Variants in RNF170 observed in about 807,000 individuals in gnomAD.
RNF170 encodes the protein E3 ubiquitin-protein ligase RNF170.
Under a neutral mutation model 32.7 loss-of-function variants are expected in RNF170, and 12 were observed. The observed-to-expected ratio is 0.37, with a 90% CI of 0.24 to 0.60. The LOEUF (loss-of-function observed/expected upper bound fraction) is 0.60. Among genes scored for constraint, RNF170 ranks in the 20% least tolerant of loss-of-function variants. The pLI is 0.72. For synonymous variants in RNF170, 91 were observed against 103.6 expected, an observed-to-expected ratio of 0.88 and a Z score of 0.74; for missense variants, 212 against 311.2, an observed-to-expected ratio of 0.68 and a Z score of 2.40.
chr8:42,858,056 A>G (rs1803374111), intron 6 of RNF170, among the ~76,000 whole-genome samples: 1 of 152,154 alleles, frequency 6.6e-6, no homozygotes, highest in African/African-American at 2.4e-5. Flanking sequence ...AAATGAAAAG[A>G]AAAATGTTAA....
intron 3 of RNF170, among the ~76,000 whole-genome samples, chr8:42,872,103 A>ACAGACT (rs988374805): frequency 1.2e-4 from 19 of 152,220 alleles, no homozygotes; most frequent in African/African-American, 4.3e-4. Context: ...ACAGCACAGA[A>ACAGACT]CAGACTACAT....
chr8:42,863,593 C>T (rs1199446247), intron 5 of RNF170, among the ~76,000 whole-genome samples: 1 of 152,180 alleles, frequency 6.6e-6, no homozygotes, highest in Non-Finnish European at 1.5e-5. Context: ...AGGTGTGCGC[C>T]ACCATGCGCA....
At chr8:42,870,209 G>A (rs1377688752) in intron 3 of RNF170, 97 bp from the exon 4 acceptor site, 2 of 824,198 alleles carry the variant, frequency 2.4e-6, no homozygotes, top group Non-Finnish European at 4.2e-6. Flanking sequence ...TCAGCAGTGT[G>A]TAACCCTCAT....
chr8:42,896,337 G>C (rs1365689349), intron 1 of RNF170, 147 bp downstream of exon 1: 2 of 398,586 alleles, frequency 5.0e-6, no homozygotes, highest in African/African-American at 4.3e-5. Flanking sequence ...TTCCAGACGA[G>C]GGAGGGGCCC....
Position 42,869,984 on chromosome 8 carries a change from G to A in RNF170, c.322+20C>T. On this transcript the variant is annotated intron_variant, in intron 4 of 6. Coordinates refer to ENST00000527424, the MANE Select transcript of RNF170 (RefSeq NM_030954.4). Reference sequence around the variant, plus strand: ...TGGTCTACACAGTCACTTTTCCCAAGTATAGCGTTGTTTGCTTACCACAAA... The same window carrying A: ...TGGTCTACACAGTCACTTTTCCCAAATATAGCGTTGTTTGCTTACCACAAA... 6.4e-7 allele frequency: 1 copy of A among 1,558,758 alleles called. No homozygotes were observed. Among genetic ancestry groups the A allele is most frequent in the South Asian group, 1.1e-5 (1 of 89,892 alleles).
intron 1 of RNF170, among the ~76,000 whole-genome samples, chr8:42,891,498 ATTCT>A (rs1806296128): frequency 6.6e-6 from 1 of 152,186 alleles, no homozygotes; most frequent in South Asian, 2.1e-4. Flanking sequence ...TGACAGTTAC[ATTCT>A]TTCTTCCCTA....
intron 4 of RNF170, among the ~76,000 whole-genome samples, chr8:42,868,663 GC>G (rs1181704348): frequency 6.6e-6 from 1 of 151,902 alleles, no homozygotes; most frequent in Non-Finnish European, 1.5e-5. Context: ...GACCAGTCTG[GC>G]CAACATGGTG....
At chr8:42,851,090 C>T, downstream of RNF170, 4 of 1,511,338 alleles carry the variant, frequency 2.6e-6, no homozygotes, top group Non-Finnish European at 3.6e-6. Context: ...CTTCCTGCTT[C>T]TTCAACCTCA....
intron 4 of RNF170, among the ~76,000 whole-genome samples, chr8:42,866,191 C>CTT: frequency 6.6e-6 from 1 of 152,112 alleles, no homozygotes; most frequent in East Asian, 1.9e-4. Flanking sequence ...CAAAACACAA[C>CTT]TTTTAGAAGA....
At chr8:42,897,248 TC>T, upstream of RNF170, 1 of 1,132,604 alleles carries the variant, frequency 8.8e-7, no homozygotes, top group Non-Finnish European at 1.1e-6. Context: ...ACCGGGACCC[TC>T]CACGCGCGGC....
At chr8:42,856,946 A>G (rs989511636) in intron 6 of RNF170, among the ~76,000 whole-genome samples, 1 of 152,232 alleles carries the variant, frequency 6.6e-6, no homozygotes, top group Non-Finnish European at 1.5e-5. Flanking sequence ...CTAAAAATTC[A>G]AAAGAAAAAA....
Position 42,856,117 on chromosome 8 carries a change from A to G in RNF170, c.*42T>C. ...TGGGTCCTTCTGTTTGATGTTCTAC[A>G]TTAGCTCAGATATCCTAGTAAACTC... On this transcript the variant is annotated 3_prime_UTR_variant, in exon 7 of 7. Coordinates refer to ENST00000527424, the MANE Select transcript of RNF170 (RefSeq NM_030954.4). The G allele has an allele frequency of 1.2e-6, 2 of 1,609,816 alleles. No individual in the cohort carries two copies. Among genetic ancestry groups the G allele is most frequent in the Middle Eastern group, 2.2e-4 (1 of 4,584 alleles).
At chr8:42,890,379 G>A (rs760994018) in intron 1 of RNF170, among the ~76,000 whole-genome samples, 5 of 150,976 alleles carry the variant, frequency 3.3e-5, no homozygotes, top group African/African-American at 1.2e-4. Flanking sequence ...CCGGGTTCTC[G>A]TCATTCTCTT....
intron 1 of RNF170, among the ~76,000 whole-genome samples, chr8:42,894,536 G>A (rs550285571): frequency 4.5e-4 from 68 of 152,242 alleles, no homozygotes; most frequent in African/African-American, 1.6e-3. Flanking sequence ...CACCAACACA[G>A]GAACCAAACA....
intron 2 of RNF170, among the ~76,000 whole-genome samples, chr8:42,880,753 G>T (rs1805329420): frequency 6.6e-6 from 1 of 151,956 alleles, no homozygotes; most frequent in Non-Finnish European, 1.5e-5. Flanking sequence ...CTGGGCGACA[G>T]AATGATACTC....
At chr8:42,870,895 T>C (rs1804471756) in intron 3 of RNF170, among the ~76,000 whole-genome samples, 1 of 152,048 alleles carries the variant, frequency 6.6e-6, no homozygotes, top group African/African-American at 2.4e-5. Context: ...GTAGGACTCA[T>C]TGTACCTCAG....
chr8:42,885,534 A>C lies in RNF170; in HGVS notation c.137+2194T>G, dbSNP rs561603063. On this transcript the variant is annotated intron_variant, in intron 2 of 6. Transcript: ENST00000527424. ...TTTATACTCCCCAAAAAAGTGCACC[A>C]CAGTTCCCTTTGCTCCACACCCTTG... 5.3e-5 allele frequency among the ~76,000 whole-genome samples: 8 copies of C among 152,262 alleles called. No individual in the cohort carries two copies. The East Asian group carries it at 1.5e-3, about 29-fold the overall frequency.
intron 2 of RNF170, among the ~76,000 whole-genome samples, chr8:42,883,190 AT>A (rs1805552136): frequency 6.6e-6 from 1 of 152,120 alleles, no homozygotes; most frequent in Non-Finnish European, 1.5e-5. Context: ...AATACTACCT[AT>A]TGAGTACAGT....
intron 2 of RNF170, among the ~76,000 whole-genome samples, chr8:42,876,538 C>A (rs1804944560): frequency 6.6e-6 from 1 of 152,084 alleles, no homozygotes; most frequent in South Asian, 2.1e-4. Context: ...GAAGCCAATT[C>A]TCGCTAGACA....
Sources: allele counts gnomAD v4.1 joint callset (sites outside exome capture counted in the v4.1 genomes callset), GRCh38; gene constraint gnomAD v4.1.1; transcripts MANE v1.5; gene names NCBI Gene and HGNC (gene_info 2026-07-23, HGNC 2026-07-21).